Variants in TYR observed in about 807,000 individuals in gnomAD.
TYR encodes the protein tyrosinase, also known as LB24-AB.
A neutral mutation model predicts 51.5 loss-of-function variants in TYR; 58 were observed. The observed-to-expected ratio is 1.13, with a 90% CI of 0.91 to 1.40. The LOEUF is 1.40. Ranked by LOEUF, TYR falls within the 40% of genes most tolerant of loss-of-function variation. The pLI is 0.00. For synonymous variants in TYR, 263 were observed against 235.2 expected (o/e 1.12, Z -1.08); for missense variants, 732 against 647.4 (o/e 1.13, Z -1.42).
In TYR at chr11:89,227,827, T is replaced by G; in HGVS notation, c.1041T>G (p.Phe347Leu). 1 of 1,612,782 alleles carries G rather than the reference T, an allele frequency of 6.2e-7. No individual in the cohort carries two copies. The highest frequency in any genetic ancestry group is 8.5e-7 in the Non-Finnish European group (1 of 1,179,538). The change falls in exon 3 of 5, where the codon TTT becomes TTG. Residue 347 changes from phenylalanine to leucine, a missense_variant. Coordinates refer to ENST00000263321, the MANE Select transcript of TYR (RefSeq NM_000372.5). ...TCATTTTTTTTTAATGAACAGGATT[T>G]GCTAGTCCACTTACTGGGATAGCGG... is the stretch of plus-strand genomic sequence containing the variant. ...NFSFRNTLEGFASPLTGIADA... is the reference protein window; with the variant it reads ...NFSFRNTLEGLASPLTGIADA...
At chr11:89,230,933 G>A (rs1565406188) in intron 3 of TYR, among the ~76,000 whole-genome samples, 1 of 150,996 alleles carries the variant, frequency 6.6e-6, no homozygotes, top group Non-Finnish European at 1.5e-5. Flanking sequence ...GGGACTTTAG[G>A]AAGCCAAGGC....
At chr11:89,257,477 T>C (rs1944407399) in intron 3 of TYR, among the ~76,000 whole-genome samples, 2 of 150,678 alleles carry the variant, frequency 1.3e-5, no homozygotes, top group Admixed American at 1.3e-4. Flanking sequence ...AGATGTTATA[T>C]AAACTTCAAA....
chr11:89,258,215 T>C (rs763442810), intron 3 of TYR, among the ~76,000 whole-genome samples: 4 of 152,072 alleles, frequency 2.6e-5, no homozygotes, highest in Non-Finnish European at 5.9e-5. Context: ...TTTTTATGTT[T>C]CTTTTAACTA....
intron 3 of TYR, among the ~76,000 whole-genome samples, chr11:89,255,621 G>A (rs1204825915): frequency 6.6e-6 from 1 of 151,610 alleles, no homozygotes; most frequent in Non-Finnish European, 1.5e-5. Flanking sequence ...ATTTCTTCTT[G>A]AATGAACATT....
At chr11:89,194,745 T>C (rs2135256015) in intron 2 of TYR, among the ~76,000 whole-genome samples, 1 of 152,262 alleles carries the variant, frequency 6.6e-6, no homozygotes, top group East Asian at 1.9e-4. Flanking sequence ...GTATAACTCA[T>C]TGATGTGCTT....
chr11:89,194,481 C>A (rs1171429678), intron 2 of TYR, among the ~76,000 whole-genome samples: 1 of 151,556 alleles, frequency 6.6e-6, no homozygotes, highest in African/African-American at 2.4e-5. Context: ...AATAAACTGT[C>A]TACATGGAGA....
At chr11:89,232,772 A>G (rs1944067759) in intron 3 of TYR, among the ~76,000 whole-genome samples, 1 of 143,478 alleles carries the variant, frequency 7.0e-6, no homozygotes, top group South Asian at 2.3e-4. Flanking sequence ...TAAGTGTACA[A>G]TCTCATTATG....
intron 2 of TYR, among the ~76,000 whole-genome samples, chr11:89,227,432 C>T (rs1226699874): frequency 6.6e-6 from 1 of 152,100 alleles, no homozygotes. Context: ...AGCAAGGGGA[C>T]ACATAACAGG....
intron 3 of TYR, among the ~76,000 whole-genome samples, chr11:89,246,236 G>A (rs181073228): frequency 9.2e-5 from 14 of 152,270 alleles, no homozygotes; most frequent in Admixed American, 2.0e-4. Flanking sequence ...GAAACCTGGA[G>A]TCAGAAGTTC....
In TYR at chr11:89,295,188, C is replaced by A; in HGVS notation, c.1412C>A (p.Ala471Glu). Residue 471 changes from alanine to glutamate, a missense_variant, in exon 5 of 5, where the codon GCG (alanine) becomes GAG (glutamate). By Grantham distance (107) the Ala-to-Glu change is moderately radical. Transcript: ENST00000263321. Reference protein sequence around the residue: ...QDYIKSYLEQASRIWSWLLGA... With the variant: ...QDYIKSYLEQESRIWSWLLGA... ...TACATTAAGTCCTATTTGGAACAAG[C>A]GAGTCGGATCTGGTCATGGCTCCTT... 6.2e-7 allele frequency: 1 copy of A among 1,613,956 alleles called. No homozygotes were observed.
intron 3 of TYR, among the ~76,000 whole-genome samples, chr11:89,257,844 G>A (rs1241083250): frequency 6.6e-6 from 1 of 151,828 alleles, no homozygotes; most frequent in Non-Finnish European, 1.5e-5. Flanking sequence ...ACCTTTCTTT[G>A]GTTACTGTAG....
chr11:89,274,039 T>C (rs1343685522), intron 3 of TYR, among the ~76,000 whole-genome samples: 2 of 151,880 alleles, frequency 1.3e-5, no homozygotes, highest in Non-Finnish European at 2.9e-5. Context: ...GACTTAAAAA[T>C]TTGAATTTTA....
At chr11:89,200,788 A>T (rs139189017) in intron 2 of TYR, among the ~76,000 whole-genome samples, 77 of 152,282 alleles carry the variant, frequency 5.1e-4, no homozygotes, top group African/African-American at 1.7e-3. Flanking sequence ...TCACACAACT[A>T]TGTAATCAGA....
At position 89,274,317 on chromosome 11, in the gene TYR, T is replaced by A. The variant is rs371726434; in HGVS notation, c.1185-10456T>A. On this transcript the variant is annotated intron_variant, in intron 3 of 4. Transcript: ENST00000263321. The stretch of plus-strand genomic sequence containing the variant: ...ACCATAATTCACAAATAGCAAAAAT[T>A]TGCCTATGTCTATACCATAGGCATA... Among the ~76,000 whole-genome samples, 11 of 152,062 alleles carry A rather than the reference T, an allele frequency of 7.2e-5. 1 individual carries two copies. Among genetic ancestry groups the A allele is most frequent in the East Asian group, 3.9e-4 (2 of 5,134 alleles).
At chr11:89,293,097 A>G (rs1944867991) in intron 4 of TYR, among the ~76,000 whole-genome samples, 1 of 152,128 alleles carries the variant, frequency 6.6e-6, no homozygotes, top group Non-Finnish European at 1.5e-5. Context: ...AAAGGTGTAG[A>G]TAGGGATTCT....
intron 3 of TYR, among the ~76,000 whole-genome samples, chr11:89,251,288 T>A (rs1005941642): frequency 6.6e-6 from 1 of 151,984 alleles, no homozygotes; most frequent in African/African-American, 2.4e-5. Flanking sequence ...TCATAACATA[T>A]CTGTTTATCA....
intron 2 of TYR, among the ~76,000 whole-genome samples, chr11:89,195,869 C>A (rs1036970624): frequency 2.0e-5 from 3 of 151,854 alleles, no homozygotes; most frequent in African/African-American, 7.3e-5. Context: ...TCAGAGTTTA[C>A]AAGAGATTTT....
intron 3 of TYR, among the ~76,000 whole-genome samples, chr11:89,238,904 T>C (rs1944156552): frequency 1.3e-5 from 2 of 152,292 alleles, no homozygotes; most frequent in African/African-American, 4.8e-5. Flanking sequence ...GTATATTAAC[T>C]ATCCTTGCAT....
At chr11:89,287,149 A>T (rs1377359147) in intron 4 of TYR, among the ~76,000 whole-genome samples, 8 of 151,832 alleles carry the variant, frequency 5.3e-5, no homozygotes, top group Non-Finnish European at 1.2e-4. Context: ...TTCTTCCCCA[A>T]ACCCCCAAGA....
Sources: allele counts gnomAD v4.1 joint callset (sites outside exome capture counted in the v4.1 genomes callset), GRCh38; gene constraint gnomAD v4.1.1; transcripts MANE v1.5; gene names NCBI Gene and HGNC (gene_info 2026-07-23, HGNC 2026-07-21).